The following ASIC2 variants were observed in gnomAD, a reference collection of about 807,000 sequenced individuals.
The protein encoded by ASIC2 is acid sensing ion channel subunit 2, also known as acid-sensing ion channel 2.
In ASIC2, 25 loss-of-function variants were observed where a neutral mutation model predicts 57.3. The ratio of observed to expected loss-of-function variants is 0.44; its 90% CI spans 0.32 to 0.61. The LOEUF (loss-of-function observed/expected upper bound fraction) is 0.61, where lower values mean the gene tolerates loss of function less well. Ranked by LOEUF, ASIC2 falls within the 20% of genes least tolerant of loss-of-function variation. ASIC2 has a pLI of 0.06. For missense variants in ASIC2, 641 were observed against 738.1 expected, an observed-to-expected ratio of 0.87 and a Z score of 1.52; for synonymous variants, 319 against 307.5, an observed-to-expected ratio of 1.04 and a Z score of -0.39.
intron 1 of ASIC2, among the ~76,000 whole-genome samples, chr17:33,442,594 T>G (rs773224814): frequency 2.0e-5 from 3 of 152,178 alleles, no homozygotes; most frequent in Non-Finnish European, 2.9e-5. Context: ...ATACAATTTA[T>G]TTTGAAAAGA....
intron 1 of ASIC2, among the ~76,000 whole-genome samples, chr17:33,827,001 A>G (rs1310677360): frequency 6.6e-6 from 1 of 152,196 alleles, no homozygotes; most frequent in Non-Finnish European, 1.5e-5. Context: ...GGGCACATAA[A>G]GTTGCTTTGA....
rs574554937 is a variant in ASIC2, at chr17:33,608,309, G to A, written c.556-496242C>T. Among the ~76,000 whole-genome samples the A allele has an allele frequency of 2.0e-5, 3 of 152,256 alleles. No individual in the cohort carries two copies. The South Asian group carries it at 6.2e-4, about 32-fold the overall frequency. On this transcript the variant is annotated intron_variant, in intron 1 of 9. Coordinates refer to the ASIC2 transcript ENST00000359872. ...TCGAGTAGTAGAATTATCTCCCCCAGTATGGGGTAGATCTGGGTTTGATCC... is the reference window on the plus strand; with the variant it reads ...TCGAGTAGTAGAATTATCTCCCCCAATATGGGGTAGATCTGGGTTTGATCC...
chr17:33,600,976 A>T (rs190226092), intron 1 of ASIC2, among the ~76,000 whole-genome samples: 76 of 152,348 alleles, frequency 5.0e-4, no homozygotes, highest in African/African-American at 1.8e-3. Context: ...AGAACTTAGG[A>T]GTGATGAACT....
At chr17:33,925,071 C>A (rs1409517824) in intron 1 of ASIC2, among the ~76,000 whole-genome samples, 2 of 152,224 alleles carry the variant, frequency 1.3e-5, no homozygotes, top group African/African-American at 2.4e-5. Flanking sequence ...GCCTTCCCTG[C>A]TTCTCTGGCC....
At chr17:33,405,926 C>G (rs1910459636) in intron 1 of ASIC2, among the ~76,000 whole-genome samples, 1 of 152,170 alleles carries the variant, frequency 6.6e-6, no homozygotes. Context: ...TTAGAGACGA[C>G]CCTGCCAGCC....
chr17:34,088,655 G>A (rs997499086), intron 1 of ASIC2, among the ~76,000 whole-genome samples: 5 of 152,228 alleles, frequency 3.3e-5, no homozygotes, highest in African/African-American at 1.2e-4. Context: ...GCCTACAGAG[G>A]CAGGCAGGCC....
chr17:33,602,704 C>A (rs1448997198), intron 1 of ASIC2, among the ~76,000 whole-genome samples: 5 of 152,216 alleles, frequency 3.3e-5, no homozygotes, highest in African/African-American at 1.2e-4. Context: ...CCTGTCCTTG[C>A]TCACTGGCTC....
Position 33,028,291 on chromosome 17 carries a change from C to T in ASIC2, c.1089G>A (p.Glu363=). 6.2e-7 allele frequency: 1 copy of T among 1,614,168 alleles called. No individual in the cohort carries two copies. The highest frequency in any genetic ancestry group is 8.5e-7 in the Non-Finnish European group (1 of 1,180,042). ...TGCAGTTTTCCACAATGTAGCGGGTCTCACAGTCAATCCTACAGGCGGTGA... is the reference window on the plus strand; with the variant it reads ...TGCAGTTTTCCACAATGTAGCGGGTTTCACAGTCAATCCTACAGGCGGTGA... ...YSITACRIDC[E]TRYIVENCNC... The change falls in exon 4 of 10, where the codon GAG becomes GAA. Residue 363 remains glutamate, a synonymous_variant. Coordinates refer to ENST00000225823, the MANE Select transcript of ASIC2 (RefSeq NM_183377.2).
At chr17:33,423,851 G>A (rs1321047839) in intron 1 of ASIC2, among the ~76,000 whole-genome samples, 1 of 152,244 alleles carries the variant, frequency 6.6e-6, no homozygotes, top group African/African-American at 2.4e-5. Context: ...GGCAGGGGCT[G>A]CTCATTCACA....
chr17:33,583,412 T>C (rs751560995), intron 1 of ASIC2, among the ~76,000 whole-genome samples: 4 of 152,180 alleles, frequency 2.6e-5, no homozygotes, highest in Non-Finnish European at 4.4e-5. Context: ...TGCTTATGTG[T>C]GGACATTTCT....
At chr17:33,415,686 A>G (rs570692032) in intron 1 of ASIC2, among the ~76,000 whole-genome samples, 1 of 152,292 alleles carries the variant, frequency 6.6e-6, no homozygotes, top group East Asian at 1.9e-4. Context: ...AGAAGGAGAG[A>G]CAGAGAAAGA....
chr17:34,146,489 G>T (rs771170784), intron 1 of ASIC2, among the ~76,000 whole-genome samples: 9 of 152,162 alleles, frequency 5.9e-5, no homozygotes, highest in Non-Finnish European at 1.3e-4. Context: ...CGGGGGAAAA[G>T]GTAAGCATGA....
intron 1 of ASIC2, among the ~76,000 whole-genome samples, chr17:33,914,518 T>C (rs1398270359): frequency 6.6e-6 from 1 of 151,208 alleles, no homozygotes; most frequent in Non-Finnish European, 1.5e-5. Context: ...GTGGCCAGAG[T>C]TTTACAACTG....
At chr17:33,308,114 T>C (rs1016138881) in intron 1 of ASIC2, among the ~76,000 whole-genome samples, 1 of 152,230 alleles carries the variant, frequency 6.6e-6, no homozygotes, top group African/African-American at 2.4e-5. Flanking sequence ...AGTTCTTTTA[T>C]AAACAAATTG....
chr17:33,342,366 T>C (rs1283422433), intron 1 of ASIC2, among the ~76,000 whole-genome samples: 3 of 149,148 alleles, frequency 2.0e-5, no homozygotes, highest in Non-Finnish European at 2.9e-5. Flanking sequence ...GTGTGTGTGC[T>C]GACAGACACA....
At chr17:33,502,436 C>T (rs1026416427) in intron 1 of ASIC2, among the ~76,000 whole-genome samples, 3 of 152,130 alleles carry the variant, frequency 2.0e-5, no homozygotes, top group East Asian at 1.9e-4. Context: ...GGGTTATACC[C>T]GCATTTGGGG....
chr17:34,154,217 A>T (rs1904630793), intron 1 of ASIC2, among the ~76,000 whole-genome samples: 1 of 152,214 alleles, frequency 6.6e-6, no homozygotes, highest in Non-Finnish European at 1.5e-5. Context: ...GAGCGTTGCC[A>T]GGCGCTAGAA....
At chr17:33,856,036 G>A (rs1192295624) in intron 1 of ASIC2, among the ~76,000 whole-genome samples, 1 of 152,138 alleles carries the variant, frequency 6.6e-6, no homozygotes, top group Non-Finnish European at 1.5e-5. Context: ...GAAAGGGAGG[G>A]AGAAGGAGGA....
At chr17:33,529,426 A>G (rs1272164936) in intron 1 of ASIC2, among the ~76,000 whole-genome samples, 2 of 152,204 alleles carry the variant, frequency 1.3e-5, no homozygotes, top group African/African-American at 2.4e-5. Flanking sequence ...CGGCATCAGC[A>G]TCAACATCAC....
Sources: allele counts gnomAD v4.1 joint callset (sites outside exome capture counted in the v4.1 genomes callset), GRCh38; gene constraint gnomAD v4.1.1; transcripts MANE v1.5; gene names NCBI Gene and HGNC (gene_info 2026-07-23, HGNC 2026-07-21).